Variants in LRRC4C observed in about 807,000 individuals in gnomAD.
LRRC4C encodes the protein leucine rich repeat containing 4C.
In LRRC4C, 5 loss-of-function variants were observed where a neutral mutation model predicts 33.6. That is an observed-to-expected ratio of 0.15 (90% CI 0.08 to 0.31). The LOEUF is 0.31. Ranked by LOEUF, LRRC4C falls within the 10% of genes least tolerant of loss-of-function variation. The pLI is 1.00. For missense variants in LRRC4C, 560 were observed against 796.7 expected (o/e 0.70, Z 3.58); for synonymous variants, 329 against 302.0 (o/e 1.09, Z -0.93).
At chr11:41,185,123 G>A (rs544061774) in intron 1 of LRRC4C, among the ~76,000 whole-genome samples, 28 of 152,042 alleles carry the variant, frequency 1.8e-4, no homozygotes, top group South Asian at 4.2e-4. Context: ...ATGAGATTTC[G>A]GTGGGGACAC....
At chr11:40,328,683 T>A (rs1035963603) in intron 3 of LRRC4C, among the ~76,000 whole-genome samples, 1 of 152,196 alleles carries the variant, frequency 6.6e-6, no homozygotes, top group Admixed American at 6.5e-5. Context: ...AGTACTTGAG[T>A]GGTATCACTT....
chr11:41,181,565 A>C (rs907899571), intron 1 of LRRC4C, among the ~76,000 whole-genome samples: 1 of 152,208 alleles, frequency 6.6e-6, no homozygotes, highest in Admixed American at 6.5e-5. Flanking sequence ...AGAAAGAGAG[A>C]CATCTACCTT....
intron 2 of LRRC4C, among the ~76,000 whole-genome samples, chr11:40,867,271 A>C (rs747924677): frequency 2.0e-5 from 3 of 152,132 alleles, no homozygotes; most frequent in African/African-American, 4.8e-5. Context: ...ACAATGTAGG[A>C]AGCATGGACG....
chr11:40,780,017 G>C (rs1950154745), intron 2 of LRRC4C, among the ~76,000 whole-genome samples: 1 of 152,156 alleles, frequency 6.6e-6, no homozygotes, highest in South Asian at 2.1e-4. Context: ...TTCTTTACTA[G>C]CAGAATGGTT....
intron 1 of LRRC4C, among the ~76,000 whole-genome samples, chr11:40,994,759 T>C (rs1249827435): frequency 1.3e-5 from 2 of 152,024 alleles, no homozygotes; most frequent in Non-Finnish European, 2.9e-5. Flanking sequence ...GCTCTTTCCT[T>C]TACTCTCGCC....
At chr11:40,665,543 C>T (rs776880470) in intron 2 of LRRC4C, among the ~76,000 whole-genome samples, 11 of 151,248 alleles carry the variant, frequency 7.3e-5, no homozygotes, top group South Asian at 4.2e-4. Flanking sequence ...CAGAGAATCA[C>T]AACACCTCTC....
chr11:41,142,806 C>T (rs1461084322), intron 1 of LRRC4C, among the ~76,000 whole-genome samples: 1 of 149,104 alleles, frequency 6.7e-6, no homozygotes, highest in African/African-American at 2.5e-5. Flanking sequence ...GTGTTAAAAT[C>T]ATGTGCTTGT....
At chr11:41,112,644 A>G (rs1941901562) in intron 1 of LRRC4C, among the ~76,000 whole-genome samples, 1 of 152,074 alleles carries the variant, frequency 6.6e-6, no homozygotes, top group Admixed American at 6.6e-5. Context: ...GTCATTTTAT[A>G]ATTTCAATCA....
At chr11:40,345,154 T>A (rs1947065746) in intron 3 of LRRC4C, among the ~76,000 whole-genome samples, 1 of 152,082 alleles carries the variant, frequency 6.6e-6, no homozygotes, top group Non-Finnish European at 1.5e-5. Flanking sequence ...AATGCCATGC[T>A]ATCAAACTAT....
chr11:40,414,944 T>C (rs1950272962), intron 3 of LRRC4C, among the ~76,000 whole-genome samples: 1 of 152,130 alleles, frequency 6.6e-6, no homozygotes, highest in Non-Finnish European at 1.5e-5. Flanking sequence ...GGAAACTACT[T>C]ACAAATTCTA....
At chr11:40,163,733 A>G (rs1281085584) in intron 5 of LRRC4C, among the ~76,000 whole-genome samples, 1 of 152,168 alleles carries the variant, frequency 6.6e-6, no homozygotes, top group African/African-American at 2.4e-5. Context: ...TAAGTACAGT[A>G]GGCAGAATTC....
chr11:41,106,205 T>C (rs921593799), intron 1 of LRRC4C, among the ~76,000 whole-genome samples: 1 of 151,978 alleles, frequency 6.6e-6, no homozygotes, highest in African/African-American at 2.4e-5. Flanking sequence ...TACTTTACCT[T>C]TATTATATTC....
At chr11:40,828,082 T>C (rs1334497343) in intron 2 of LRRC4C, among the ~76,000 whole-genome samples, 2 of 151,302 alleles carry the variant, frequency 1.3e-5, no homozygotes, top group East Asian at 1.9e-4. Context: ...AGCTAAAAAA[T>C]TGTGGAGCTA....
intron 3 of LRRC4C, among the ~76,000 whole-genome samples, chr11:40,457,531 C>G (rs140437028): frequency 3.9e-5 from 6 of 152,208 alleles, no homozygotes; most frequent in African/African-American, 1.4e-4. Context: ...TTTCGCAGTT[C>G]CATTTTTCCA....
chr11:41,100,009 A>C (rs531902080), intron 1 of LRRC4C, among the ~76,000 whole-genome samples: 15 of 151,962 alleles, frequency 9.9e-5, no homozygotes, highest in Admixed American at 3.3e-4. Flanking sequence ...ACCCCCTCCC[A>C]AAAAAAAGTA....
chr11:40,622,206 T>C (rs926169101), intron 3 of LRRC4C, among the ~76,000 whole-genome samples: 3 of 151,922 alleles, frequency 2.0e-5, no homozygotes, highest in African/African-American at 7.2e-5. Context: ...CTTTGGATTG[T>C]ATTTTTATAT....
At chr11:40,912,068 G>A (rs1433763264) in intron 2 of LRRC4C, among the ~76,000 whole-genome samples, 1 of 152,164 alleles carries the variant, frequency 6.6e-6, no homozygotes, top group Non-Finnish European at 1.5e-5. Context: ...ATCTACATCT[G>A]ATTAGCGTAC....
At chr11:40,117,703 A>T (rs1366894115) in intron 6 of LRRC4C, among the ~76,000 whole-genome samples, 5 of 151,884 alleles carry the variant, frequency 3.3e-5, no homozygotes, top group African/African-American at 9.7e-5. Flanking sequence ...GAAAGAAAAA[A>T]AAAAGGGGAG....
intron 5 of LRRC4C, among the ~76,000 whole-genome samples, chr11:40,153,666 T>C (rs1464787848): frequency 6.6e-6 from 1 of 151,086 alleles, no homozygotes; most frequent in African/African-American, 2.4e-5. Context: ...GTCTCAGCAA[T>C]AGAATTGAAC....
Sources: allele counts gnomAD v4.1 joint callset (sites outside exome capture counted in the v4.1 genomes callset), GRCh38; gene constraint gnomAD v4.1.1; transcripts MANE v1.5; gene names NCBI Gene and HGNC (gene_info 2026-07-23, HGNC 2026-07-21).